ACSS2: variants seen among roughly 807,000 people sequenced by gnomAD.
ACSS2 encodes acetyl-coenzyme A synthetase, cytoplasmic.
ACSS2 carries 58 observed loss-of-function variants against 90.6 expected under a neutral mutation model. The observed-to-expected ratio is 0.64, with a 90% CI of 0.52 to 0.80. ACSS2 has a LOEUF of 0.80. ACSS2 is among the 30% of genes least tolerant of loss of function. The pLI is 0.00. For synonymous variants in ACSS2, 300 were observed against 330.9 expected (o/e 0.91, Z 1.01); for missense variants, 759 against 912.0 (o/e 0.83, Z 2.16).
In ACSS2 at chr20:34,923,307, C is replaced by T. The variant is rs370534748; in HGVS notation, c.1549-16C>T. 8.2e-6 allele frequency: 13 copies of T among 1,585,640 alleles called. No homozygotes were observed. The highest frequency in any genetic ancestry group is 8.7e-6 in the Non-Finnish European group (10 of 1,154,154). On this transcript the variant is annotated splice_polypyrimidine_tract_variant and intron_variant, in intron 13 of 17. Transcript: ENST00000360596. ...AGCATAGCAAATGTGATCACTGTCC[C>T]TTCCTCACTCCCCAGGTGTTCAAGC... is the stretch of plus-strand genomic sequence containing the variant.
At chr20:34,914,059 GCTTA>G (rs1462556078) in intron 5 of ACSS2, 33 bp from the exon 6 acceptor site, 1 of 1,609,690 alleles carries the variant, frequency 6.2e-7, no homozygotes. Context: ...GCAGCATGGG[GCTTA>G]CTAAGGCCTG....
At chr20:34,884,091 A>G (rs2080133180) in intron 2 of ACSS2, among the ~76,000 whole-genome samples, 1 of 152,064 alleles carries the variant, frequency 6.6e-6, no homozygotes, top group African/African-American at 2.4e-5. Context: ...GACTACAGAC[A>G]TGCACCACCA....
intron 2 of ACSS2, among the ~76,000 whole-genome samples, chr20:34,897,690 A>C (rs1382145605): frequency 6.6e-6 from 1 of 152,064 alleles, no homozygotes; most frequent in African/African-American, 2.4e-5. Flanking sequence ...TTAGCCGGCC[A>C]TGGTGGTGCA....
intron 7 of ACSS2, among the ~76,000 whole-genome samples, chr20:34,914,763 T>G (rs2081042926): frequency 6.6e-6 from 1 of 152,168 alleles, no homozygotes; most frequent in Non-Finnish European, 1.5e-5. Context: ...CAATATATAG[T>G]CATCTCCATT....
chr20:34,924,391 A>T (rs1233798196), intron 14 of ACSS2, among the ~76,000 whole-genome samples: 2 of 152,246 alleles, frequency 1.3e-5, no homozygotes, highest in Non-Finnish European at 2.9e-5. Flanking sequence ...GTGTGCAGGG[A>T]TGGCTACTGT....
At chr20:34,913,529 G>T (rs200869991) in intron 4 of ACSS2, 33 bp downstream of exon 4, 19 of 1,567,868 alleles carry the variant, frequency 1.2e-5, no homozygotes, top group Admixed American at 1.7e-5. Context: ...AGGGGCAGGC[G>T]GGGGGGTGGG....
chr20:34,907,973 C>T (rs2080850771), intron 2 of ACSS2, among the ~76,000 whole-genome samples: 1 of 152,228 alleles, frequency 6.6e-6, no homozygotes, highest in African/African-American at 2.4e-5. Context: ...GTCCTTCACA[C>T]TATGAGGGAG....
chr20:34,920,967 A>T (rs762865528), intron 9 of ACSS2, 39 bp from the exon 10 acceptor site: 76 of 1,613,104 alleles, frequency 4.7e-5, no homozygotes, highest in Non-Finnish European at 6.3e-5. Context: ...TAGAAGGACT[A>T]TTAGGAAAGA....
At chr20:34,879,071 A>AT (rs2080001071) in intron 1 of ACSS2, among the ~76,000 whole-genome samples, 1 of 151,040 alleles carries the variant, frequency 6.6e-6, no homozygotes, top group South Asian at 2.1e-4. Flanking sequence ...CGCCCGGCTA[A>AT]TTTTTTGTAT....
At position 34,920,699 on chromosome 20, in the gene ACSS2, C is replaced by T. The variant is rs1301569310; in HGVS notation, c.1133C>T (p.Thr378Ile). Reference sequence around the variant, plus strand: ...TATGGGCCACTGGCCAATGGTGCCACCAGTGTTTTGGTGAGAAGGGAGCCA... The same window carrying T: ...TATGGGCCACTGGCCAATGGTGCCATCAGTGTTTTGGTGAGAAGGGAGCCA... Reference protein sequence around the residue: ...VTYGPLANGATSVLFEGIPTY... With the variant: ...VTYGPLANGAISVLFEGIPTY... The change falls in exon 9 of 18, where the codon ACC (threonine) becomes ATC (isoleucine). Residue 378 changes from threonine to isoleucine, a missense_variant. Transcript: ENST00000360596. 2 of 1,611,688 alleles carry T rather than the reference C, an allele frequency of 1.2e-6. No homozygotes were observed. The highest frequency in any genetic ancestry group is 1.7e-6 in the Non-Finnish European group (2 of 1,178,770).
rs965269016 is a variant in ACSS2, at chr20:34,876,754, C to G, written c.109C>G (p.Arg37Gly). The stretch of plus-strand genomic sequence containing the variant: ...TTGGTCTCCGCCGCCCGAGGTCAGC[C>G]GCTCCGCGCACGTCCCCTCGCTGCA... ...RSWSPPPEVSRSAHVPSLQRY... is the reference protein window; with the variant it reads ...RSWSPPPEVSGSAHVPSLQRY... Residue 37 changes from arginine (R) to glycine (G), a missense_variant, in exon 1 of 18, where the codon CGC becomes GGC. Coordinates refer to ENST00000360596, the MANE Select transcript of ACSS2 (RefSeq NM_018677.4). The G allele has an allele frequency of 5.6e-6, 8 of 1,432,578 alleles. No homozygotes were observed. Among genetic ancestry groups the G allele is most frequent in the Non-Finnish European group, 7.4e-6 (8 of 1,083,766 alleles). 88.7% of individuals were successfully genotyped at this position (1,432,578 alleles called of 1,614,324 possible). A position where few individuals can be genotyped will look rare whatever the true frequency, so the allele number is the denominator to read the frequency against.
At chr20:34,926,369 C>T in intron 16 of ACSS2, 88 bp downstream of exon 16, 1 of 1,447,778 alleles carries the variant, frequency 6.9e-7, no homozygotes, top group Admixed American at 2.3e-5. Context: ...CTAGAGCAAG[C>T]TGCTCCCCAA....
intron 3 of ACSS2, 70 bp from the exon 4 acceptor site, chr20:34,913,323 C>T (rs950788196): frequency 1.5e-4 from 233 of 1,566,248 alleles, no homozygotes; most frequent in Non-Finnish European, 1.9e-4. Flanking sequence ...GGAGGGAGGC[C>T]AGCTGGATGG....
At chr20:34,890,219 C>A (rs535020946) in intron 2 of ACSS2, among the ~76,000 whole-genome samples, 1 of 152,238 alleles carries the variant, frequency 6.6e-6, no homozygotes, top group East Asian at 1.9e-4. Flanking sequence ...GTCAAGGATT[C>A]TCCTAGTCTA....
At chr20:34,908,825 T>C (rs117346604) in intron 2 of ACSS2, 7,487 of 387,614 alleles carry the variant, frequency 0.019, 110 homozygotes, top group Non-Finnish European at 0.028. Flanking sequence ...CGCGCCATTT[T>C]ACTCCAGCCT....
In ACSS2 at chr20:34,901,976, C is replaced by T. The variant is rs192497397; in HGVS notation, c.375-11120C>T. Among the ~76,000 whole-genome samples the T allele has an allele frequency of 3.7e-3, 569 of 152,292 alleles. 4 individuals are homozygous for T. The highest frequency in any genetic ancestry group is 0.013 in the African/African-American group (557 of 41,564). ...AGATTCAACATGATATCTCCAGGGT[C>T]AGGAAACTCCTGAAGGAGTGCCTTC... On this transcript the variant is annotated intron_variant, in intron 2 of 17. Transcript: ENST00000360596.
intron 9 of ACSS2, 148 bp from the exon 10 acceptor site, chr20:34,920,858 T>C: frequency 6.8e-7 from 1 of 1,477,516 alleles, no homozygotes; most frequent in South Asian, 1.3e-5. Flanking sequence ...TTGCGTATCC[T>C]GACTAGGATG....
intron 10 of ACSS2, 83 bp from the exon 11 acceptor site, chr20:34,921,247 A>G: frequency 6.2e-7 from 1 of 1,606,740 alleles, no homozygotes; most frequent in Non-Finnish European, 8.5e-7. Context: ...CCTGGAATAG[A>G]GGATGGGGCA....
chr20:34,906,543 G>A (rs896243314), intron 2 of ACSS2, among the ~76,000 whole-genome samples: 3 of 151,110 alleles, frequency 2.0e-5, no homozygotes, highest in Non-Finnish European at 4.4e-5. Flanking sequence ...ACACTGTGGT[G>A]TGTGTGTGTG....
Sources: gnomAD v4.1 joint callset for allele counts (sites outside exome capture counted in the v4.1 genomes callset) on GRCh38, gnomAD v4.1.1 for gene constraint, MANE v1.5 for transcripts, NCBI Gene and HGNC (gene_info 2026-07-23, HGNC 2026-07-21) for gene names.